PCDHGA10: variants seen among roughly 807,000 people sequenced by gnomAD.
PCDHGA10 encodes the protein protocadherin gamma subfamily A, 10.
In PCDHGA10, 42 loss-of-function variants were observed where a neutral mutation model predicts 59.5. That is an observed-to-expected ratio of 0.71 (90% CI 0.55 to 0.91). The LOEUF is 0.91. Among genes scored for constraint, PCDHGA10 ranks in the 40% least tolerant of loss-of-function variants. The pLI, the probability that PCDHGA10 is intolerant of heterozygous loss-of-function variation, is 0.00. For synonymous variants in PCDHGA10, 511 were observed against 517.2 expected, an observed-to-expected ratio of 0.99 and a Z score of 0.16; for missense variants, 1,111 against 1,198.2, an observed-to-expected ratio of 0.93 and a Z score of 1.07.
chr5:141,428,446 T>C lies in PCDHGA10; in HGVS notation c.2436+12835T>C, dbSNP rs575475897. On this transcript the variant is annotated intron_variant, in intron 1 of 3. Coordinates refer to ENST00000398610, the MANE Select transcript of PCDHGA10 (RefSeq NM_018913.3). The stretch of plus-strand genomic sequence containing the variant: ...CTGTTCTAAGACTAGACCAGGGGTT[T>C]TTCCCAACTACAATGAGGGAACTTT... 4.2e-5 allele frequency: 16 copies of C among 378,218 alleles called. No homozygotes were observed. The East Asian group carries it at 8.8e-4, about 21-fold the overall frequency. 23.4% of individuals were successfully genotyped at this position (378,218 alleles called of 1,614,324 possible). A position where few individuals can be genotyped will look rare whatever the true frequency, so the allele number is the denominator to read the frequency against.
intron 1 of PCDHGA10, among the ~76,000 whole-genome samples, chr5:141,473,413 G>A (rs1282997381): frequency 6.6e-6 from 1 of 152,156 alleles, no homozygotes; most frequent in Non-Finnish European, 1.5e-5. Context: ...CTTCTTCAGT[G>A]GGGGAAGCAG....
rs2099391466 is a variant in PCDHGA10, at chr5:141,476,424, C to T, written c.2437-18383C>T. ...GAGGAGCTGTGTGGGACACTGCCCT[C>T]TTGCACTGTAACTCTGGAGTTGGTA... is the stretch of plus-strand genomic sequence containing the variant. On this transcript the variant is annotated intron_variant, in intron 1 of 3. Coordinates refer to ENST00000398610, the MANE Select transcript of PCDHGA10 (RefSeq NM_018913.3). This position sits in a 1 kb window ranked among gnomAD's most constrained non-coding sequence, Gnocchi z 7.6. 1 of 1,613,978 alleles carries T rather than the reference C, an allele frequency of 6.2e-7. No individual in the cohort carries two copies. The highest frequency in any genetic ancestry group is 1.1e-5 in the South Asian group (1 of 91,076).
In PCDHGA10 at chr5:141,415,043, T is replaced by G; in HGVS notation, c.1868T>G (p.Val623Gly). ...LKASEPGLFA[V>G]GEHTGEVRTA... is the part of the protein sequence containing the mutation. ...GCCAGCGAGCCGGGACTCTTCGCGG[T>G]GGGGGAGCACACGGGCGAGGTGCGC... Residue 623 changes from valine (V) to glycine (G), a missense_variant, in exon 1 of 4, where the codon GTG (valine) becomes GGG (glycine). By Grantham distance (109) the Val-to-Gly change is moderately radical. Coordinates refer to ENST00000398610, the MANE Select transcript of PCDHGA10 (RefSeq NM_018913.3). The G allele has an allele frequency of 1.2e-6, 2 of 1,613,396 alleles. No homozygotes were observed. The highest frequency in any genetic ancestry group is 1.7e-6 in the Non-Finnish European group (2 of 1,179,936).
chr5:141,457,335 A>G (rs2098917073), intron 1 of PCDHGA10, among the ~76,000 whole-genome samples: 1 of 152,172 alleles, frequency 6.6e-6, no homozygotes, highest in Admixed American at 6.5e-5. Flanking sequence ...CAGGTACCTT[A>G]CTTACTTTCA....
At chr5:141,437,741 C>CT (rs35124340) in intron 1 of PCDHGA10, among the ~76,000 whole-genome samples, 18,734 of 141,656 alleles carry the variant, frequency 0.13, 1,459 homozygotes, top group African/African-American at 0.22. Context: ...TTGAGTTCAC[C>CT]TTTTTTTTTT....
In PCDHGA10 at chr5:141,488,435, C is replaced by T. The variant is rs111661764; in HGVS notation, c.2437-6372C>T. Among the ~76,000 whole-genome samples, 87 of 152,276 alleles carry T rather than the reference C, an allele frequency of 5.7e-4. 1 individual carries two copies. The highest frequency in any genetic ancestry group is 1.6e-3 in the African/African-American group (67 of 41,546). On this transcript the variant is annotated intron_variant, in intron 1 of 3. Transcript: ENST00000398610. ...AAGCCATCCATGCTTGGCCTCTGAC[C>T]ACCCTCCTGGGTGACCTGATTCAGC...
At chr5:141,437,187 G>A (rs1055878763) in intron 1 of PCDHGA10, among the ~76,000 whole-genome samples, 1 of 152,148 alleles carries the variant, frequency 6.6e-6, no homozygotes, top group Non-Finnish European at 1.5e-5. Context: ...ACTGGGCAAT[G>A]GGTTTGGATG....
At chr5:141,454,824 T>C (rs1231148585) in intron 1 of PCDHGA10, among the ~76,000 whole-genome samples, 1 of 127,218 alleles carries the variant, frequency 7.9e-6, no homozygotes, top group African/African-American at 3.3e-5. Flanking sequence ...TTTTTTTTTT[T>C]TGAGACAGAG....
chr5:141,479,703 C>T (rs1219257838), intron 1 of PCDHGA10: 1 of 152,182 alleles, frequency 6.6e-6, no homozygotes, highest in African/African-American at 2.4e-5. Context: ...AGTGTTAGTC[C>T]CTGTCCTTCC....
intron 1 of PCDHGA10, among the ~76,000 whole-genome samples, chr5:141,464,935 T>A (rs1157718693): frequency 6.6e-6 from 1 of 151,882 alleles, no homozygotes; most frequent in African/African-American, 2.4e-5. Flanking sequence ...AGATGTGAGG[T>A]CTCACTATGT....
In PCDHGA10 at chr5:141,485,457, T is replaced by G; in HGVS notation, c.2437-9350T>G. 1 of 1,614,124 alleles carries G rather than the reference T, an allele frequency of 6.2e-7. No individual in the cohort carries two copies. Among genetic ancestry groups the G allele is most frequent in the Non-Finnish European group, 8.5e-7 (1 of 1,180,020 alleles). On this transcript the variant is annotated intron_variant, in intron 1 of 3. Coordinates refer to ENST00000398610, the MANE Select transcript of PCDHGA10 (RefSeq NM_018913.3). This position sits in a 1 kb window ranked among gnomAD's most constrained non-coding sequence, Gnocchi z 5.7. ...AAGAACCCAATCGACCGAGAGGCAC[T>G]GTGTGGGCTCAGTGCCAGCTGCATC...
Position 141,415,163 on chromosome 5 carries a change from C to A in PCDHGA10, c.1988C>A (p.Thr663Lys). The change falls in exon 1 of 4, where the codon ACG (threonine) becomes AAG (lysine). Residue 663 changes from threonine to lysine, a missense_variant. By Grantham distance (78) the Thr-to-Lys change is moderately conservative (BLOSUM62 -1). Coordinates refer to ENST00000398610, the MANE Select transcript of PCDHGA10 (RefSeq NM_018913.3). Reference sequence around the variant, plus strand: ...CAGCCCCCTCTCTCCGCCACTGTCACGCTCACCGTGGCCGTGGCCGACAGC... The same window carrying A: ...CAGCCCCCTCTCTCCGCCACTGTCAAGCTCACCGTGGCCGTGGCCGACAGC... The part of the protein sequence containing the change: ...HGQPPLSATV[T>K]LTVAVADSIP... The A allele has an allele frequency of 6.2e-7, 1 of 1,613,856 alleles. No individual in the cohort carries two copies.
Position 141,476,239 on chromosome 5 carries a change from A to T in PCDHGA10, c.2437-18568A>T. ...TTCACTATGAGATCCCGGAGGAAAG[A>T]GAGAAGGGTTTCGCTGTGGGCAACG... is the stretch of plus-strand genomic sequence containing the variant. On this transcript the variant is annotated intron_variant, in intron 1 of 3. Coordinates refer to ENST00000398610, the MANE Select transcript of PCDHGA10 (RefSeq NM_018913.3). This position sits in a 1 kb window ranked among gnomAD's most constrained non-coding sequence, Gnocchi z 7.6. 1 of 1,613,826 alleles carries T rather than the reference A, an allele frequency of 6.2e-7. No homozygotes were observed. Among genetic ancestry groups the T allele is most frequent in the Non-Finnish European group, 8.5e-7 (1 of 1,179,996 alleles).
chr5:141,459,285 A>G (rs1316912878), intron 1 of PCDHGA10, among the ~76,000 whole-genome samples: 1 of 152,202 alleles, frequency 6.6e-6, no homozygotes, highest in Non-Finnish European at 1.5e-5. Context: ...TTTCATCTAA[A>G]TGGAATCCTA....
chr5:141,413,119 G>C lies in PCDHGA10; in HGVS notation c.-57G>C. The stretch of plus-strand genomic sequence containing the variant: ...AAGCCACAGAAAGACAAAGGAACCG[G>C]TTGAAACACACAACGTGTCCAGTGA... On this transcript the variant is annotated 5_prime_UTR_variant, in exon 1 of 4. Transcript: ENST00000398610. 6.6e-7 allele frequency: 1 copy of C among 1,522,222 alleles called. No individual in the cohort carries two copies. Among genetic ancestry groups the C allele is most frequent in the Non-Finnish European group, 8.8e-7 (1 of 1,132,868 alleles). The allele number at this position is 1,522,222 out of a possible 1,614,324, so 94.3% of individuals were successfully genotyped here. A position where few individuals can be genotyped will look rare whatever the true frequency, so the allele number is the denominator to read the frequency against.
intron 1 of PCDHGA10, chr5:141,468,346 AAAAG>A (rs2099164910): frequency 6.8e-6 from 1 of 147,210 alleles, no homozygotes; most frequent in South Asian, 2.2e-4. Flanking sequence ...AAAAAAAAAA[AAAAG>A]AAAGAAAAAA....
chr5:141,449,095 T>C (rs2098628347), intron 1 of PCDHGA10, among the ~76,000 whole-genome samples: 1 of 152,204 alleles, frequency 6.6e-6, no homozygotes. Flanking sequence ...AGTTTTTACA[T>C]ATGCAGTATA....
In PCDHGA10 at chr5:141,415,288, T is replaced by C; in HGVS notation, c.2113T>C (p.Ser705Pro). ...LYLVVAVAAV[S>P]CVFLAFVIVL... The stretch of plus-strand genomic sequence containing the variant: ...CCTGGTGGTAGCGGTGGCCGCGGTC[T>C]CCTGCGTCTTCCTGGCCTTCGTCAT... Residue 705 changes from serine (S) to proline (P), a missense_variant, in exon 1 of 4, where the codon TCC becomes CCC. Coordinates refer to ENST00000398610, the MANE Select transcript of PCDHGA10 (RefSeq NM_018913.3). The C allele has an allele frequency of 3.7e-6, 6 of 1,614,202 alleles. No individual in the cohort carries two copies. Among genetic ancestry groups the C allele is most frequent in the Non-Finnish European group, 5.1e-6 (6 of 1,180,034 alleles).
In PCDHGA10 at chr5:141,415,102, A is replaced by G; in HGVS notation, c.1927A>G (p.Lys643Glu). 1.2e-6 allele frequency: 2 copies of G among 1,613,550 alleles called. No homozygotes were observed. Among genetic ancestry groups the G allele is most frequent in the Non-Finnish European group, 8.5e-7 (1 of 1,179,922 alleles). The change falls in exon 1 of 4, where the codon AAG (lysine) becomes GAG (glutamate). Residue 643 changes from lysine to glutamate, a missense_variant. Lys to Glu is a moderately conservative substitution (Grantham distance 56). Coordinates refer to ENST00000398610, the MANE Select transcript of PCDHGA10 (RefSeq NM_018913.3). ...AGCCCTGCTGGACAGAGACGCGCTC[A>G]AGCAAAGCCTCGTAGTGGCCGTCCA... Reference protein sequence around the residue: ...ARALLDRDALKQSLVVAVQDH... With the variant: ...ARALLDRDALEQSLVVAVQDH...
Sources: gnomAD v4.1 joint callset for allele counts (sites outside exome capture counted in the v4.1 genomes callset) on GRCh38, gnomAD v4.1.1 for gene constraint, Gnocchi (gnomAD v3.1) non-coding constraint, MANE v1.5 for transcripts, NCBI Gene and HGNC (gene_info 2026-07-23, HGNC 2026-07-21) for gene names.